Variants in PANK4 observed in about 807,000 individuals in gnomAD.
PANK4 encodes 4'-phosphopantetheine phosphatase.
In PANK4, 40 loss-of-function variants were observed where a neutral mutation model predicts 87.9. The observed-to-expected ratio is 0.46, with a 90% CI of 0.35 to 0.59. PANK4 has a LOEUF of 0.59. PANK4 is among the 20% of genes least tolerant of loss of function. PANK4 has a pLI of 0.00. For missense variants in PANK4, 926 were observed against 1,072.3 expected (o/e 0.86, Z 1.90); for synonymous variants, 524 against 467.4 (o/e 1.12, Z -1.56).
chr1:2,514,185 G>C (rs539177206), intron 11 of PANK4, 96 bp from the exon 12 acceptor site: 3 of 1,223,506 alleles, frequency 2.5e-6, no homozygotes, highest in African/African-American at 3.0e-5. Flanking sequence ...TCAGGAGCCC[G>C]GCAGTGCAAA....
chr1:2,523,385 T>C (rs1206686303), intron 1 of PANK4, among the ~76,000 whole-genome samples: 1 of 152,156 alleles, frequency 6.6e-6, no homozygotes, highest in Non-Finnish European at 1.5e-5. Context: ...AGAGTCTCAC[T>C]AACATGCACC....
rs746215282 is a variant in PANK4, at chr1:2,515,747, C to T, written c.1219-30G>A. ...AAGACAGGCAGTGGCAGGGTGGAAA[C>T]GTCACCATGGTTCAGAACGACCCAA... On this transcript the variant is annotated intron_variant, in intron 9 of 18. Transcript: ENST00000378466. The surrounding 1 kb of genome is among the most constrained non-coding windows in gnomAD (Gnocchi z 5.0). 2.3e-5 allele frequency: 37 copies of T among 1,606,678 alleles called. No homozygotes were observed. In the East Asian group the frequency reaches 3.1e-4, roughly 14 times the overall value.
intron 12 of PANK4, 58 bp downstream of exon 12, chr1:2,513,944 G>A (rs897449054): frequency 8.8e-6 from 11 of 1,253,534 alleles, no homozygotes; most frequent in South Asian, 2.4e-5. Context: ...GACAGGACAC[G>A]CGGTGCCAGC....
Position 2,515,332 on chromosome 1 carries a change from T to C in PANK4, c.1374+230A>G, listed in dbSNP as rs543189435. The C allele has an allele frequency of 1.0e-5, 7 of 696,234 alleles. No individual in the cohort carries two copies. The highest frequency in any genetic ancestry group is 2.0e-5 in the Admixed American group (1 of 49,770). The allele number at this position is 696,234 out of a possible 1,614,324, so 43.1% of individuals were successfully genotyped here. ...AGCTAGCAGAACTATCAGCTGCCCTTAGAAGCAACGTGCCTCGCAGACGCC... is the reference window on the plus strand; with the variant it reads ...AGCTAGCAGAACTATCAGCTGCCCTCAGAAGCAACGTGCCTCGCAGACGCC... On this transcript the variant is annotated intron_variant, in intron 10 of 18. Coordinates refer to ENST00000378466, the MANE Select transcript of PANK4 (RefSeq NM_018216.4). The surrounding 1 kb of genome is among the most constrained non-coding windows in gnomAD (Gnocchi z 5.0).
At chr1:2,511,445 G>C in intron 14 of PANK4, 58 bp from the exon 15 acceptor site, 1 of 1,342,936 alleles carries the variant, frequency 7.4e-7, no homozygotes, top group Non-Finnish European at 1.1e-6. Context: ...GGGTCAGGGA[G>C]ACGCGTCTTC....
intron 1 of PANK4, among the ~76,000 whole-genome samples, chr1:2,522,961 T>C (rs1357882757): frequency 2.0e-5 from 3 of 151,868 alleles, no homozygotes; most frequent in African/African-American, 7.3e-5. Flanking sequence ...GGTGTTATAG[T>C]GACTTAACGG....
At position 2,515,267 on chromosome 1, in the gene PANK4, G is replaced by A; in HGVS notation, c.1374+295C>T. ...CGCACCTCAGTCACACCTCAAAAGAGCAGAGACGTCTCCTAAATTGCTTTT... is the reference window on the plus strand; with the variant it reads ...CGCACCTCAGTCACACCTCAAAAGAACAGAGACGTCTCCTAAATTGCTTTT... On this transcript the variant is annotated intron_variant, in intron 10 of 18. Transcript: ENST00000378466. The surrounding 1 kb of genome is among the most constrained non-coding windows in gnomAD (Gnocchi z 5.0). The A allele has an allele frequency of 1.7e-6, 1 of 601,158 alleles. No homozygotes were observed. The highest frequency in any genetic ancestry group is 3.1e-6 in the Non-Finnish European group (1 of 320,102). 37.2% of individuals were successfully genotyped at this position (601,158 alleles called of 1,614,324 possible).
intron 9 of PANK4, among the ~76,000 whole-genome samples, chr1:2,516,233 G>C (rs939067312): frequency 6.6e-6 from 1 of 152,148 alleles, no homozygotes; most frequent in African/African-American, 2.4e-5. Flanking sequence ...TCCGTGCCGG[G>C]CAGGGAGTCC....
rs758426792 is a variant in PANK4 at position 2,521,866 on chromosome 1, C to T, written c.125-66G>A. 4 of 1,235,798 alleles carry T rather than the reference C, an allele frequency of 3.2e-6. No individual in the cohort carries two copies. In the South Asian group the frequency reaches 3.6e-5, roughly 11 times the overall value. 76.6% of individuals were successfully genotyped at this position (1,235,798 alleles called of 1,614,324 possible). A position where few individuals can be genotyped will look rare whatever the true frequency, so the allele number is the denominator to read the frequency against. On this transcript the variant is annotated intron_variant, in intron 1 of 18. Transcript: ENST00000378466. ...ACACAGCGGGGCCTGGGGGTCCATGCCCCACACTCTCTGGGTGTCCTGGAG... is the reference window on the plus strand; with the variant it reads ...ACACAGCGGGGCCTGGGGGTCCATGTCCCACACTCTCTGGGTGTCCTGGAG...
Position 2,520,104 on chromosome 1 carries a change from G to C in PANK4, c.700-150C>G. 1.2e-6 allele frequency: 1 copy of C among 847,682 alleles called. No individual in the cohort carries two copies. Among genetic ancestry groups the C allele is most frequent in the Non-Finnish European group, 1.8e-6 (1 of 556,728 alleles). 52.5% of individuals were successfully genotyped at this position (847,682 alleles called of 1,614,324 possible). ...GACCAAAGGCAGGAGGCGGCAAGCG[G>C]GACCCTCGGGCCACCCAGCCAGGAT... On this transcript the variant is annotated intron_variant, in intron 5 of 18. Transcript: ENST00000378466. This position sits in a 1 kb window ranked among gnomAD's most constrained non-coding sequence, Gnocchi z 6.2.
chr1:2,526,037 A>G (rs2100803432), intron 1 of PANK4: 1 of 152,422 alleles, frequency 6.6e-6, no homozygotes, highest in East Asian at 1.9e-4. Context: ...CTCGACCAGA[A>G]CTAAGGACCC....
chr1:2,517,812 G>A (rs569030671), intron 9 of PANK4, among the ~76,000 whole-genome samples: 4 of 152,354 alleles, frequency 2.6e-5, no homozygotes, highest in South Asian at 2.1e-4. Context: ...TGGCTCCTGC[G>A]GTTTCGGGTT....
At chr1:2,522,576 C>G (rs1252084758) in intron 1 of PANK4, among the ~76,000 whole-genome samples, 1 of 151,470 alleles carries the variant, frequency 6.6e-6, no homozygotes, top group African/African-American at 2.4e-5. Flanking sequence ...ACAAATTCTT[C>G]TAAGTTAAAA....
chr1:2,524,944 A>G (rs1395444968), intron 1 of PANK4, among the ~76,000 whole-genome samples: 3 of 152,138 alleles, frequency 2.0e-5, no homozygotes, highest in African/African-American at 7.2e-5. Flanking sequence ...CCTGCAGCCC[A>G]ATAACCAGTC....
Position 2,508,601 on chromosome 1 carries a change from G to C in PANK4, c.*246C>G, listed in dbSNP as rs527766670. 1 of 217,956 alleles carries C rather than the reference G, an allele frequency of 4.6e-6. No homozygotes were observed. Among genetic ancestry groups the C allele is most frequent in the African/African-American group, 2.8e-5 (1 of 36,224 alleles). The allele number at this position is 217,956 out of a possible 1,614,324, so 13.5% of individuals were successfully genotyped here. On this transcript the variant is annotated 3_prime_UTR_variant, in exon 19 of 19. Coordinates refer to ENST00000378466, the MANE Select transcript of PANK4 (RefSeq NM_018216.4). The surrounding 1 kb of genome is among the most constrained non-coding windows in gnomAD (Gnocchi z 5.1). ...GCGTCCCGTCAGACATACCTGTATAGATCTCTCTATTTATATATATATATA... is the reference window on the plus strand; with the variant it reads ...GCGTCCCGTCAGACATACCTGTATACATCTCTCTATTTATATATATATATA...
chr1:2,522,166 C>T (rs1643880525), intron 1 of PANK4, among the ~76,000 whole-genome samples: 2 of 152,178 alleles, frequency 1.3e-5, no homozygotes, highest in African/African-American at 2.4e-5. Flanking sequence ...TGCTAATGAC[C>T]CAAAGCGATA....
intron 9 of PANK4, among the ~76,000 whole-genome samples, chr1:2,517,389 A>G (rs1277907675): frequency 1.3e-5 from 2 of 152,212 alleles, no homozygotes; most frequent in East Asian, 1.9e-4. Context: ...ATGACAAGCA[A>G]CTTCCTGCCA....
chr1:2,520,857 C>A lies in PANK4; in HGVS notation c.472G>T (p.Val158Leu). The change falls in exon 4 of 19, where the codon GTG becomes TTG. Residue 158 changes from valine to leucine, a missense_variant. Transcript: ENST00000378466. This position sits in a 1 kb window ranked among gnomAD's most constrained non-coding sequence, Gnocchi z 6.2. ...GCCTCATGGGGGATGTTCTTGAGCACGAAGTTGCACCCCTTAATCAGGCAC... is the reference window on the plus strand; with the variant it reads ...GCCTCATGGGGGATGTTCTTGAGCAAGAAGTTGCACCCCTTAATCAGGCAC... ...MTCLIKGCNF[V>L]LKNIPHEAFV... The A allele has an allele frequency of 6.3e-7, 1 of 1,580,346 alleles. No individual in the cohort carries two copies. The highest frequency in any genetic ancestry group is 8.6e-7 in the Non-Finnish European group (1 of 1,164,136).
chr1:2,512,144 G>C (rs1308986231), intron 13 of PANK4, among the ~76,000 whole-genome samples: 1 of 152,186 alleles, frequency 6.6e-6, no homozygotes, highest in South Asian at 2.1e-4. Flanking sequence ...CAGGCGGTGT[G>C]GGGAGCCCCC....
Sources: gnomAD v4.1 joint callset for allele counts (sites outside exome capture counted in the v4.1 genomes callset) on GRCh38, gnomAD v4.1.1 for gene constraint, Gnocchi (gnomAD v3.1) non-coding constraint, MANE v1.5 for transcripts, NCBI Gene and HGNC (gene_info 2026-07-23, HGNC 2026-07-21) for gene names.